TNKS: variants seen among roughly 807,000 people sequenced by gnomAD.
TNKS encodes the protein tankyrase.
TNKS carries 72 observed loss-of-function variants against 135.8 expected under a neutral mutation model. The ratio of observed to expected loss-of-function variants is 0.53; its 90% CI spans 0.44 to 0.64. The LOEUF is 0.64. Among genes scored for constraint, TNKS ranks in the 30% least tolerant of loss-of-function variants. The probability of loss-of-function intolerance (pLI) is 0.00; values close to 1 mark genes in which losing one functional copy is unlikely to be tolerated. For missense variants in TNKS, 1,769 were observed against 1,674.0 expected (o/e 1.06, Z -0.99); for synonymous variants, 849 against 649.3 (o/e 1.31, Z -4.68).
chr8:9,605,614 A>T (rs1312244428), intron 2 of TNKS, among the ~76,000 whole-genome samples: 2 of 152,106 alleles, frequency 1.3e-5, no homozygotes, highest in African/African-American at 4.8e-5. Flanking sequence ...GCCCACAAGT[A>T]ATGTGTTAGA....
At chr8:9,615,538 C>G (rs1374758264) in intron 2 of TNKS, 44 bp from the exon 3 acceptor site, 18 of 1,521,010 alleles carry the variant, frequency 1.2e-5, no homozygotes, top group East Asian at 6.9e-5. Context: ...TAAATAATCT[C>G]TGTATCCCCG....
chr8:9,719,729 A>G (rs1804782045), intron 11 of TNKS, among the ~76,000 whole-genome samples: 1 of 152,146 alleles, frequency 6.6e-6, no homozygotes, highest in South Asian at 2.1e-4. Flanking sequence ...GTCAGGTTTG[A>G]CCAGATTAAG....
At chr8:9,615,036 G>A (rs1020445636) in intron 2 of TNKS, among the ~76,000 whole-genome samples, 16 of 152,114 alleles carry the variant, frequency 1.1e-4, no homozygotes, top group African/African-American at 3.4e-4. Context: ...TCCACGCCAG[G>A]GGACCAGGGT....
chr8:9,654,188 T>G (rs1585282378), intron 3 of TNKS, among the ~76,000 whole-genome samples: 1 of 152,176 alleles, frequency 6.6e-6, no homozygotes, highest in Non-Finnish European at 1.5e-5. Flanking sequence ...TGCACCAGAA[T>G]CACAAGATCT....
intron 3 of TNKS, among the ~76,000 whole-genome samples, chr8:9,660,201 A>C (rs1466153274): frequency 1.3e-5 from 2 of 152,222 alleles, no homozygotes; most frequent in Non-Finnish European, 2.9e-5. Context: ...TATTCCAATC[A>C]ATAGAAAAAG....
chr8:9,773,761 ATTTAT>A (rs1224927903), intron 26 of TNKS, among the ~76,000 whole-genome samples: 7 of 152,106 alleles, frequency 4.6e-5, no homozygotes, highest in Admixed American at 1.3e-4. Flanking sequence ...TGCACTCAGC[ATTTAT>A]TTTATTTCCG....
chr8:9,658,729 T>C (rs1190150811), intron 3 of TNKS, among the ~76,000 whole-genome samples: 1 of 152,184 alleles, frequency 6.6e-6, no homozygotes, highest in African/African-American at 2.4e-5. Context: ...AATTCACACA[T>C]AACAGTATTA....
chr8:9,721,564 AGAAGG>A (rs1804881826), intron 12 of TNKS, among the ~76,000 whole-genome samples: 1 of 14,754 alleles, frequency 6.8e-5, no homozygotes, highest in African/African-American at 1.4e-4. Flanking sequence ...AGTAAAATGT[AGAAGG>A]CTATAGACTA....
chr8:9,639,338 C>A (rs1268310938), intron 3 of TNKS, among the ~76,000 whole-genome samples: 1 of 152,002 alleles, frequency 6.6e-6, no homozygotes, highest in Non-Finnish European at 1.5e-5. Context: ...AGGAGAGTAG[C>A]TTATGAACAG....
chr8:9,733,346 C>A lies in TNKS; in HGVS notation c.2215C>A (p.His739Asn), dbSNP rs1563198451. ...TGAGGTGGCTGAGCTTTTAGTAAGG[C>A]ATGGGGCTTCTGTCAATGTGGCGGA... is the stretch of plus-strand genomic sequence containing the variant. The part of the protein sequence containing the change: ...HYEVAELLVR[H>N]GASVNVADLW... The change falls in exon 15 of 27, where the codon CAT becomes AAT. Residue 739 changes from histidine to asparagine, a missense_variant. By Grantham distance (68) the His-to-Asn change is moderately conservative. Transcript: ENST00000310430. The A allele has an allele frequency of 1.2e-6, 2 of 1,612,088 alleles. No individual in the cohort carries two copies. Among genetic ancestry groups the A allele is most frequent in the Non-Finnish European group, 1.7e-6 (2 of 1,179,338 alleles).
chr8:9,689,460 A>G (rs770023482), intron 5 of TNKS, among the ~76,000 whole-genome samples: 13 of 152,098 alleles, frequency 8.5e-5, no homozygotes, highest in Non-Finnish European at 1.5e-4. Context: ...AAACAGACCA[A>G]TTCTAAATAT....
intron 3 of TNKS, among the ~76,000 whole-genome samples, chr8:9,664,690 A>C (rs1033917361): frequency 5.3e-5 from 8 of 152,246 alleles, no homozygotes; most frequent in Non-Finnish European, 8.8e-5. Context: ...CATTTAGAGA[A>C]CTGAAGATGG....
At chr8:9,707,411 T>C (rs7840697) in intron 8 of TNKS, among the ~76,000 whole-genome samples, 147,499 of 152,142 alleles carry the variant, frequency 0.97, 71,649 homozygotes, top group East Asian at 1. Flanking sequence ...AAACCTCTTA[T>C]GGGCTTACGT....
intron 22 of TNKS, among the ~76,000 whole-genome samples, chr8:9,764,275 C>T (rs1485540798): frequency 1.3e-5 from 2 of 151,856 alleles, no homozygotes; most frequent in South Asian, 2.1e-4. Context: ...TGTAAATATA[C>T]TTAGAGATCC....
intron 2 of TNKS, among the ~76,000 whole-genome samples, chr8:9,614,250 C>G (rs1178109667): frequency 1.3e-5 from 2 of 152,220 alleles, no homozygotes; most frequent in African/African-American, 2.4e-5. Context: ...TCTACTGACT[C>G]TTGAATCAGT....
chr8:9,716,122 T>G (rs545886544), intron 11 of TNKS, among the ~76,000 whole-genome samples: 2 of 152,344 alleles, frequency 1.3e-5, no homozygotes, highest in East Asian at 3.9e-4. Flanking sequence ...TCATATGTCT[T>G]AATTTGACAG....
At chr8:9,648,363 A>G (rs891370716) in intron 3 of TNKS, among the ~76,000 whole-genome samples, 8 of 152,126 alleles carry the variant, frequency 5.3e-5, no homozygotes, top group Non-Finnish European at 1.2e-4. Flanking sequence ...AATATTCTTT[A>G]CATATGCTTA....
At chr8:9,561,124 C>T (rs1797316203) in intron 1 of TNKS, among the ~76,000 whole-genome samples, 1 of 152,172 alleles carries the variant, frequency 6.6e-6, no homozygotes, top group Non-Finnish European at 1.5e-5. Context: ...ATCCGTCAAT[C>T]ATCTTTTTAT....
chr8:9,753,865 A>C (rs200679988), intron 20 of TNKS, among the ~76,000 whole-genome samples: 24 of 152,318 alleles, frequency 1.6e-4, no homozygotes, highest in East Asian at 3.9e-4. Context: ...CCTGTTTTGC[A>C]CAGAGATCTA....
Sources: allele counts gnomAD v4.1 joint callset (sites outside exome capture counted in the v4.1 genomes callset), GRCh38; gene constraint gnomAD v4.1.1; transcripts MANE v1.5; gene names NCBI Gene and HGNC (gene_info 2026-07-23, HGNC 2026-07-21).